Variants in NDST4 observed in about 807,000 individuals in gnomAD.
NDST4 encodes N-heparan sulfate sulfotransferase 4.
Under a neutral mutation model 100.8 loss-of-function variants are expected in NDST4, and 63 were observed. The observed-to-expected ratio is 0.62, with a 90% CI of 0.51 to 0.77. The LOEUF is 0.77. Among genes scored for constraint, NDST4 ranks in the 30% least tolerant of loss-of-function variants. The pLI is 0.00. For missense variants in NDST4, 943 were observed against 1,018.4 expected (o/e 0.93, Z 1.01); for synonymous variants, 377 against 361.8 (o/e 1.04, Z -0.48).
chr4:114,967,224 T>C (rs1345986716), intron 4 of NDST4, among the ~76,000 whole-genome samples: 2 of 152,116 alleles, frequency 1.3e-5, no homozygotes, highest in African/African-American at 4.8e-5. Context: ...TTGAGTTTTA[T>C]TGAGCTGAAC....
At chr4:114,886,696 T>G (rs1724486581) in intron 6 of NDST4, among the ~76,000 whole-genome samples, 1 of 152,142 alleles carries the variant, frequency 6.6e-6, no homozygotes, top group Non-Finnish European at 1.5e-5. Context: ...GTTTCTCTTA[T>G]TCTTAGATAC....
intron 6 of NDST4, among the ~76,000 whole-genome samples, chr4:114,877,099 C>G (rs111773168): frequency 6.6e-6 from 1 of 151,892 alleles, no homozygotes; most frequent in East Asian, 1.9e-4. Context: ...CGTGCACGCG[C>G]GCAAGCCTGG....
At chr4:114,943,620 G>A (rs185167793) in intron 4 of NDST4, among the ~76,000 whole-genome samples, 95 of 151,950 alleles carry the variant, frequency 6.3e-4, no homozygotes, top group Non-Finnish European at 9.0e-4. Context: ...GATTATTTCC[G>A]TTTTCACATA....
In NDST4 at chr4:115,107,614, C is replaced by T. The variant is rs186347031; in HGVS notation, c.-247+5830G>A. On this transcript the variant is annotated intron_variant, in intron 1 of 13. Transcript: ENST00000264363. ...ACTTTCACATACAGCTTTTAATGTG[C>T]CACCTTGACTTATCTTTATAGCACT... is the stretch of plus-strand genomic sequence containing the variant. 2.0e-4 allele frequency among the ~76,000 whole-genome samples: 31 copies of T among 152,162 alleles called. No homozygotes were observed. In the East Asian group the frequency reaches 4.8e-3, roughly 24 times the overall value.
At chr4:114,840,010 A>T (rs1380492574) in intron 10 of NDST4, among the ~76,000 whole-genome samples, 1 of 152,170 alleles carries the variant, frequency 6.6e-6, no homozygotes, top group Non-Finnish European at 1.5e-5. Context: ...GTAGTCTTAC[A>T]TGTTTCTTGG....
chr4:115,031,750 T>G (rs1339359360), intron 2 of NDST4, among the ~76,000 whole-genome samples: 1 of 152,054 alleles, frequency 6.6e-6, no homozygotes, highest in Non-Finnish European at 1.5e-5. Context: ...CTCTGGAGCT[T>G]CCTTAGATTT....
chr4:114,866,732 T>C (rs1724034765), intron 7 of NDST4, among the ~76,000 whole-genome samples: 1 of 152,142 alleles, frequency 6.6e-6, no homozygotes, highest in Non-Finnish European at 1.5e-5. Flanking sequence ...ATAAATAAGT[T>C]GTAGGGTGGT....
chr4:114,844,929 G>A (rs1452233677), intron 10 of NDST4, among the ~76,000 whole-genome samples: 1 of 152,114 alleles, frequency 6.6e-6, no homozygotes, highest in African/African-American at 2.4e-5. Flanking sequence ...TGCCAAATGA[G>A]TTTTCAGAAA....
chr4:114,991,190 G>C (rs763946399), intron 2 of NDST4, among the ~76,000 whole-genome samples: 1 of 152,000 alleles, frequency 6.6e-6, no homozygotes, highest in African/African-American at 2.4e-5. Flanking sequence ...TCAATCTCTC[G>C]AGACCATGGT....
chr4:114,879,665 A>G (rs1724325921), intron 6 of NDST4, among the ~76,000 whole-genome samples: 1 of 152,210 alleles, frequency 6.6e-6, no homozygotes, highest in Non-Finnish European at 1.5e-5. Context: ...GGCACATAAT[A>G]GGTATGCAAA....
At chr4:114,919,543 T>C (rs551511627) in intron 6 of NDST4, among the ~76,000 whole-genome samples, 72 of 152,170 alleles carry the variant, frequency 4.7e-4, no homozygotes, top group Non-Finnish European at 8.8e-4. Flanking sequence ...TGAAAACCTA[T>C]ATGGAAAGAA....
rs1290458515 is a variant in NDST4, at chr4:115,010,067, A to G, written c.979-32793T>C. On this transcript the variant is annotated intron_variant, in intron 2 of 13. Coordinates refer to ENST00000264363, the MANE Select transcript of NDST4 (RefSeq NM_022569.3). ...GCTGGAGAGGATGTGGAGAAATAGGAACACTTTTACACTGTTGGTGGGACT... is the reference window on the plus strand; with the variant it reads ...GCTGGAGAGGATGTGGAGAAATAGGGACACTTTTACACTGTTGGTGGGACT... Among the ~76,000 whole-genome samples the G allele has an allele frequency of 1.7e-5, 2 of 117,478 alleles. 1 individual carries two copies. The highest frequency in any genetic ancestry group is 3.6e-5 in the Non-Finnish European group (2 of 56,326). The allele number at this position is 117,478 out of a possible 152,430, so 77.1% of individuals were successfully genotyped here.
At chr4:114,835,092 GT>G (rs1339813001) in intron 11 of NDST4, among the ~76,000 whole-genome samples, 1 of 152,126 alleles carries the variant, frequency 6.6e-6, no homozygotes, top group East Asian at 1.9e-4. Context: ...TTTTTGAAAG[GT>G]TTTTCATGTC....
In NDST4 at chr4:114,870,858, C is replaced by A; in HGVS notation, c.1629G>T (p.Trp543Cys). 6.2e-7 allele frequency: 1 copy of A among 1,613,114 alleles called. No homozygotes were observed. The highest frequency in any genetic ancestry group is 8.5e-7 in the Non-Finnish European group (1 of 1,179,408). The change falls in exon 7 of 14, where the codon TGG becomes TGT. Residue 543 changes from tryptophan to cysteine, a missense_variant. Physicochemically the swap from Trp to Cys is radical, Grantham distance 215. Around this residue, in one of 2 missense-constraint regions of NDST4, gnomAD observed 526 missense variants for 634.1 expected, o/e 0.83. Transcript: ENST00000264363. ...FVNLVNFVQSWTNLKLQTLPP... is the reference protein window; with the variant it reads ...FVNLVNFVQSCTNLKLQTLPP... ...GCAGAGTTTGCAATTTCAGGTTGGT[C>A]CAGCTCTGCACAAAGTTGACCAAGT...
intron 3 of NDST4, among the ~76,000 whole-genome samples, chr4:114,972,552 T>C (rs1282767429): frequency 6.6e-6 from 1 of 152,050 alleles, no homozygotes; most frequent in Non-Finnish European, 1.5e-5. Flanking sequence ...ATATGAAATA[T>C]TAAAATTCAA....
chr4:115,100,746 C>T (rs749817788), intron 1 of NDST4, among the ~76,000 whole-genome samples: 7 of 151,654 alleles, frequency 4.6e-5, no homozygotes, highest in Admixed American at 6.6e-5. Context: ...CCCCAAAGCA[C>T]GGAGAATTTC....
At chr4:114,985,756 A>G (rs138870890) in intron 2 of NDST4, among the ~76,000 whole-genome samples, 1 of 152,352 alleles carries the variant, frequency 6.6e-6, no homozygotes, top group Non-Finnish European at 1.5e-5. Flanking sequence ...CCATGCTATT[A>G]TTGAAAGAAA....
chr4:114,986,543 A>G (rs955418133), intron 2 of NDST4, among the ~76,000 whole-genome samples: 1 of 152,164 alleles, frequency 6.6e-6, no homozygotes, highest in African/African-American at 2.4e-5. Context: ...TTCAGTTCTT[A>G]TAAGTCCTAA....
chr4:114,994,969 G>A (rs1157047898), intron 2 of NDST4, among the ~76,000 whole-genome samples: 1 of 151,866 alleles, frequency 6.6e-6, no homozygotes, highest in Non-Finnish European at 1.5e-5. Context: ...GGTCACTTCA[G>A]GAAGTCTGAA....
Sources: allele counts gnomAD v4.1 joint callset (sites outside exome capture counted in the v4.1 genomes callset), GRCh38; gene constraint gnomAD v4.1.1; regional missense constraint gnomAD v4.1.1; transcripts MANE v1.5; gene names NCBI Gene and HGNC (gene_info 2026-07-23, HGNC 2026-07-21).